Variants in LGR4 observed in about 807,000 individuals in gnomAD.
LGR4 encodes the protein leucine rich repeat containing G protein-coupled receptor 4, also known as leucine-rich repeat-containing G protein-coupled receptor 4.
LGR4 carries 44 observed loss-of-function variants against 84.8 expected under a neutral mutation model. That is an observed-to-expected ratio of 0.52 (90% confidence interval 0.41 to 0.67). The LOEUF (loss-of-function observed/expected upper bound fraction) is 0.67, where lower values mean the gene tolerates loss of function less well. LGR4 is among the 30% of genes least tolerant of loss of function. LGR4 has a pLI of 0.00. For synonymous variants in LGR4, 429 were observed against 434.3 expected (o/e 0.99, Z 0.15); for missense variants, 1,032 against 1,131.4 (o/e 0.91, Z 1.26).
At chr11:27,470,222 AC>A (rs2133465903) in intron 1 of LGR4, among the ~76,000 whole-genome samples, 1 of 152,262 alleles carries the variant, frequency 6.6e-6, no homozygotes, top group African/African-American at 2.4e-5. Context: ...ATGAACACTA[AC>A]TTATTCTAAG....
chr11:27,389,788 G>A (rs1863247454), intron 4 of LGR4, among the ~76,000 whole-genome samples: 1 of 152,140 alleles, frequency 6.6e-6, no homozygotes, highest in South Asian at 2.1e-4. Flanking sequence ...CACCCGAGGT[G>A]AGAGAGTGTG....
chr11:27,383,875 G>A (rs900531093), intron 6 of LGR4, among the ~76,000 whole-genome samples: 4 of 152,104 alleles, frequency 2.6e-5, no homozygotes, highest in Non-Finnish European at 5.9e-5. Context: ...TTAGCTCGTG[G>A]AAACAACAAC....
chr11:27,418,091 C>T (rs75026066), intron 1 of LGR4, among the ~76,000 whole-genome samples: 2 of 152,192 alleles, frequency 1.3e-5, no homozygotes, highest in African/African-American at 2.4e-5. Flanking sequence ...AGGTACTGTA[C>T]GTGGATAGTA....
At position 27,369,042 on chromosome 11, in the gene LGR4, A is replaced by T. The variant is rs751116300; in HGVS notation, c.1681T>A (p.Leu561Ile). Residue 561 changes from leucine to isoleucine, a missense_variant, in exon 18 of 18, where the codon TTA becomes ATA. Coordinates refer to ENST00000379214, the MANE Select transcript of LGR4 (RefSeq NM_018490.5). ...VALFFNLLVI[L>I]TTFASCTSLP... is the part of the protein sequence containing the mutation. ...GATGTACAAGATGCAAATGTTGTTA[A>T]AATAACAAGCAGGTTGAAAAATAAT... The T allele has an allele frequency of 1.5e-5, 25 of 1,614,010 alleles. No individual in the cohort carries two copies. Among genetic ancestry groups the T allele is most frequent in the Non-Finnish European group, 2.1e-5 (25 of 1,179,988 alleles).
At chr11:27,414,901 T>C (rs1863784808) in intron 1 of LGR4, among the ~76,000 whole-genome samples, 1 of 152,130 alleles carries the variant, frequency 6.6e-6, no homozygotes, top group Admixed American at 6.6e-5. Flanking sequence ...ATACTGACAT[T>C]ATATACTGAT....
intron 1 of LGR4, among the ~76,000 whole-genome samples, chr11:27,448,604 T>C (rs1864432820): frequency 6.6e-6 from 1 of 152,216 alleles, no homozygotes; most frequent in Non-Finnish European, 1.5e-5. Context: ...AGTTGTTCTT[T>C]AGCTGAAAAG....
At position 27,453,459 on chromosome 11, in the gene LGR4, T is replaced by C. The variant is rs1864520778; in HGVS notation, c.185+18659A>G. 2.6e-5 allele frequency among the ~76,000 whole-genome samples: 4 copies of C among 152,234 alleles called. 1 individual carries two copies. Among genetic ancestry groups the C allele is most frequent in the Admixed American group, 2.6e-4 (4 of 15,286 alleles). On this transcript the variant is annotated intron_variant, in intron 1 of 17. Coordinates refer to ENST00000379214, the MANE Select transcript of LGR4 (RefSeq NM_018490.5). ...TAATTATCTTAATATCTAAATTTCA[T>C]TCCAGCCTTCCCTGGCTACCCTACT...
intron 1 of LGR4, among the ~76,000 whole-genome samples, chr11:27,435,532 G>A (rs1320898589): frequency 1.3e-5 from 2 of 151,250 alleles, no homozygotes; most frequent in Non-Finnish European, 1.5e-5. Flanking sequence ...CTGTTGCCCA[G>A]GCTGGAGTGC....
intron 17 of LGR4, 105 bp from the exon 18 acceptor site, chr11:27,369,248 T>A (rs1862836699): frequency 1.1e-6 from 1 of 899,320 alleles, no homozygotes; most frequent in Non-Finnish European, 1.6e-6. Context: ...ACTAATTAAA[T>A]CTGCTCTCTA....
chr11:27,391,283 G>T, intron 3 of LGR4, 118 bp from the exon 4 acceptor site: 1 of 579,528 alleles, frequency 1.7e-6, no homozygotes, highest in Middle Eastern at 3.7e-4. Context: ...AAATGGGGGG[G>T]AGGTGGAGGT....
intron 1 of LGR4, among the ~76,000 whole-genome samples, chr11:27,433,450 C>G (rs1864150975): frequency 6.7e-6 from 1 of 149,604 alleles, no homozygotes; most frequent in South Asian, 2.1e-4. Flanking sequence ...CCAGGATGGT[C>G]TCCATCTCCT....
chr11:27,421,839 T>C lies in LGR4; in HGVS notation c.186-8979A>G, dbSNP rs1284216279. 2.0e-5 allele frequency among the ~76,000 whole-genome samples: 3 copies of C among 152,166 alleles called. No individual in the cohort carries two copies. The East Asian group carries it at 5.8e-4, about 29-fold the overall frequency. ...GGGATATGTTCTAAAGAGAAAAATA[T>C]AAAATGCTCTAATTCTGGAGTAATG... On this transcript the variant is annotated intron_variant, in intron 1 of 17. Coordinates refer to ENST00000379214, the MANE Select transcript of LGR4 (RefSeq NM_018490.5).
chr11:27,386,480 GA>G (rs1252796230), intron 4 of LGR4, among the ~76,000 whole-genome samples: 3 of 152,096 alleles, frequency 2.0e-5, no homozygotes, highest in Non-Finnish European at 4.4e-5. Flanking sequence ...TTACAGAACA[GA>G]AAAAAACTGG....
rs1448512618 is a variant in LGR4 at position 27,380,888 on chromosome 11, T to C, written c.830+7A>G. 1 of 1,501,994 alleles carries C rather than the reference T, an allele frequency of 6.7e-7. No homozygotes were observed. The highest frequency in any genetic ancestry group is 1.7e-5 in the Admixed American group (1 of 58,852). The allele number at this position is 1,501,994 out of a possible 1,614,324, so 93.0% of individuals were successfully genotyped here. The stretch of plus-strand genomic sequence containing the variant: ...ATACATTAAAAGAAACTTTCAAAAA[T>C]ACTTACATAGTTCTTAAGAGTGGAT... On this transcript the variant is annotated splice_region_variant and intron_variant, in intron 8 of 17. Coordinates refer to ENST00000379214, the MANE Select transcript of LGR4 (RefSeq NM_018490.5).
chr11:27,373,550 C>A lies in LGR4; in HGVS notation c.1379+1G>T. ...AAAAAGAAAAATAAGCAAAAACACA[C>A]CTGAGGTTAACAAAGTCTTTTGCTG... On this transcript the variant is annotated splice_donor_variant, in intron 15 of 17. Transcript: ENST00000379214. LOFTEE classifies it high-confidence loss of function. The A allele has an allele frequency of 6.4e-7, 1 of 1,555,022 alleles. No homozygotes were observed. Among genetic ancestry groups the A allele is most frequent in the Non-Finnish European group, 8.7e-7 (1 of 1,147,712 alleles).
chr11:27,452,944 C>T (rs967502910), intron 1 of LGR4, among the ~76,000 whole-genome samples: 2 of 151,962 alleles, frequency 1.3e-5, no homozygotes, highest in African/African-American at 4.8e-5. Flanking sequence ...ATTGACATAC[C>T]AATTTATTCT....
chr11:27,434,746 T>C (rs1233949051), intron 1 of LGR4, among the ~76,000 whole-genome samples: 2 of 152,044 alleles, frequency 1.3e-5, no homozygotes, highest in Admixed American at 6.6e-5. Context: ...ACCACACAAC[T>C]GGAGAGACCA....
intron 2 of LGR4, among the ~76,000 whole-genome samples, chr11:27,393,516 T>C (rs1332024199): frequency 6.6e-6 from 1 of 152,054 alleles, no homozygotes; most frequent in African/African-American, 2.4e-5. Context: ...AAAATTCCTC[T>C]GTTAAAATTT....
chr11:27,470,563 T>C (rs999572882), intron 1 of LGR4, among the ~76,000 whole-genome samples: 1 of 152,078 alleles, frequency 6.6e-6, no homozygotes, highest in Non-Finnish European at 1.5e-5. Flanking sequence ...TGGGGAAAAA[T>C]TAGTCCCATT....
Sources: allele counts gnomAD v4.1 joint callset (sites outside exome capture counted in the v4.1 genomes callset), GRCh38; gene constraint gnomAD v4.1.1; transcripts MANE v1.5; gene names NCBI Gene and HGNC (gene_info 2026-07-23, HGNC 2026-07-21).